Variants in AGK observed in about 807,000 individuals in gnomAD.
AGK encodes the protein acylglycerol kinase, mitochondrial.
In AGK, 52 loss-of-function variants were observed where a neutral mutation model predicts 66.4. The ratio of observed to expected loss-of-function variants is 0.78; its 90% CI spans 0.63 to 0.99. The LOEUF (loss-of-function observed/expected upper bound fraction) is 0.99, where lower values mean the gene tolerates loss of function less well. Among genes scored for constraint, AGK ranks in the 50% least tolerant of loss-of-function variants. The pLI, the probability that AGK is intolerant of heterozygous loss-of-function variation, is 0.00. For missense variants in AGK, 451 were observed against 506.6 expected (o/e 0.89, Z 1.05); for synonymous variants, 182 against 181.1 (o/e 1.00, Z -0.04).
chr7:141,645,851 G>T (rs1307942811), intron 13 of AGK, among the ~76,000 whole-genome samples: 1 of 152,040 alleles, frequency 6.6e-6, no homozygotes, highest in Non-Finnish European at 1.5e-5. Flanking sequence ...ATTGATTTTT[G>T]AATGTTAATG....
chr7:141,583,038 G>T (rs1795914669), intron 2 of AGK, among the ~76,000 whole-genome samples: 1 of 151,866 alleles, frequency 6.6e-6, no homozygotes, highest in South Asian at 2.1e-4. Flanking sequence ...GGACCGATGT[G>T]TAAAAGAATG....
Position 141,641,362 on chromosome 7 carries a change from C to G in AGK, c.841C>G (p.Arg281Gly), listed in dbSNP as rs387907025. ...QRPSLYRRILRRLASYWAQPQ... is the reference protein window; with the variant it reads ...QRPSLYRRILGRLASYWAQPQ... ...GCCTTCTTTGTACAGGAGAATATTA[C>G]GAAGGCTTGCGTCCTACTGGGCACA... The change falls in exon 12 of 16, where the codon CGA becomes GGA. Residue 281 changes from arginine (R) to glycine (G), a missense_variant. By Grantham distance (125) the Arg-to-Gly change is moderately radical. Transcript: ENST00000649286. 2.5e-6 allele frequency: 4 copies of G among 1,613,308 alleles called. No individual in the cohort carries two copies. Among genetic ancestry groups the G allele is most frequent in the Admixed American group, 1.7e-5 (1 of 59,844 alleles).
At chr7:141,621,465 G>A (rs1215542169) in intron 8 of AGK, among the ~76,000 whole-genome samples, 2 of 152,130 alleles carry the variant, frequency 1.3e-5, no homozygotes, top group Admixed American at 6.5e-5. Flanking sequence ...GCACAATGTA[G>A]AGACTCAGTA....
chr7:141,566,552 C>T (rs1203652689), intron 2 of AGK, among the ~76,000 whole-genome samples: 2 of 152,190 alleles, frequency 1.3e-5, no homozygotes, highest in Admixed American at 1.3e-4. Flanking sequence ...ATTTCTACAA[C>T]ATTTATTTTG....
chr7:141,596,141 A>G (rs1346633415), intron 3 of AGK, among the ~76,000 whole-genome samples: 2 of 152,222 alleles, frequency 1.3e-5, no homozygotes, highest in Non-Finnish European at 2.9e-5. Context: ...ACATATGAAG[A>G]TTAACTGGTA....
At chr7:141,594,391 C>T (rs1796187199) in intron 3 of AGK, among the ~76,000 whole-genome samples, 1 of 152,020 alleles carries the variant, frequency 6.6e-6, no homozygotes, top group Admixed American at 6.6e-5. Context: ...GATAGGGGTT[C>T]TCCATGTTGG....
intron 2 of AGK, among the ~76,000 whole-genome samples, chr7:141,578,684 T>G (rs1428730450): frequency 6.6e-6 from 1 of 151,690 alleles, no homozygotes; most frequent in African/African-American, 2.4e-5. Flanking sequence ...ATTGTGGGGT[T>G]GTTAGAAGGA....
chr7:141,628,071 G>A (rs987904026), intron 9 of AGK, among the ~76,000 whole-genome samples: 12 of 152,128 alleles, frequency 7.9e-5, no homozygotes, highest in African/African-American at 1.7e-4. Flanking sequence ...TAGTAGAGAC[G>A]GAGTTTCACC....
At chr7:141,607,688 G>A (rs1458482441) in intron 5 of AGK, among the ~76,000 whole-genome samples, 1 of 151,460 alleles carries the variant, frequency 6.6e-6, no homozygotes, top group Non-Finnish European at 1.5e-5. Context: ...ATTGCTTTTG[G>A]TGATGTATCT....
chr7:141,624,081 TA>T (rs1472068367), intron 9 of AGK, among the ~76,000 whole-genome samples: 3 of 152,102 alleles, frequency 2.0e-5, no homozygotes, highest in African/African-American at 7.2e-5. Flanking sequence ...AAGCAATTCC[TA>T]TCAAAATATT....
intron 2 of AGK, among the ~76,000 whole-genome samples, chr7:141,569,138 C>A (rs1342127346): frequency 6.6e-6 from 1 of 152,130 alleles, no homozygotes; most frequent in Non-Finnish European, 1.5e-5. Flanking sequence ...CTTTCAAGTT[C>A]TATGGTCAAA....
intron 2 of AGK, among the ~76,000 whole-genome samples, chr7:141,577,457 A>C (rs1795770132): frequency 1.3e-5 from 2 of 152,350 alleles, no homozygotes; most frequent in South Asian, 4.1e-4. Flanking sequence ...AGTTCAGCTA[A>C]AGACAGGGTC....
chr7:141,561,006 G>A (rs1271626290), intron 2 of AGK, among the ~76,000 whole-genome samples: 2 of 152,076 alleles, frequency 1.3e-5, no homozygotes, highest in Non-Finnish European at 2.9e-5. Context: ...TGTTAGCCAG[G>A]ATGGTCTCGA....
chr7:141,588,422 C>T (rs138589309), intron 2 of AGK, among the ~76,000 whole-genome samples: 9 of 152,142 alleles, frequency 5.9e-5, no homozygotes, highest in Middle Eastern at 3.4e-3. Flanking sequence ...GTCAGGAGTT[C>T]GGTTCAAGAT....
At chr7:141,554,971 A>G (rs1172810425) in intron 1 of AGK, among the ~76,000 whole-genome samples, 4 of 152,034 alleles carry the variant, frequency 2.6e-5, no homozygotes, top group Admixed American at 6.5e-5. Flanking sequence ...TTCTTTTCCT[A>G]TTGAGGACCT....
At chr7:141,643,301 T>G (rs1797330342) in intron 13 of AGK, among the ~76,000 whole-genome samples, 1 of 152,220 alleles carries the variant, frequency 6.6e-6, no homozygotes, top group East Asian at 1.9e-4. Context: ...TATACCTATG[T>G]AACAAGGCTG....
chr7:141,593,486 G>T (rs1359828336), intron 3 of AGK: 1 of 667,000 alleles, frequency 1.5e-6, no homozygotes, highest in Non-Finnish European at 2.7e-6. Context: ...AGTTGTCTTT[G>T]TAGATTTGTC....
At chr7:141,569,461 G>C (rs557193824) in intron 2 of AGK, among the ~76,000 whole-genome samples, 64 of 152,154 alleles carry the variant, frequency 4.2e-4, no homozygotes, top group Admixed American at 7.9e-4. Flanking sequence ...TTGAACCCGG[G>C]AGGTGGAGGC....
At chr7:141,651,448 AAAG>A in intron 14 of AGK, 74 bp from the exon 15 acceptor site, 3 of 1,185,454 alleles carry the variant, frequency 2.5e-6, no homozygotes, top group Non-Finnish European at 3.8e-6. Flanking sequence ...AAAAAGGGGG[AAAG>A]AAGTTGCTAC....
Sources: gnomAD v4.1 joint callset for allele counts (sites outside exome capture counted in the v4.1 genomes callset) on GRCh38, gnomAD v4.1.1 for gene constraint, MANE v1.5 for transcripts, NCBI Gene and HGNC (gene_info 2026-07-23, HGNC 2026-07-21) for gene names.